Variants in STK3 observed in about 807,000 individuals in gnomAD.
STK3 encodes the protein serine/threonine-protein kinase 3.
In STK3, 41 loss-of-function variants were observed where a neutral mutation model predicts 58.0. The ratio of observed to expected loss-of-function variants is 0.71; its 90% confidence interval spans 0.55 to 0.92. STK3 has a LOEUF of 0.92. Ranked by LOEUF, STK3 falls within the 40% of genes least tolerant of loss-of-function variation. The pLI is 0.00. For synonymous variants in STK3, 170 were observed against 191.0 expected (o/e 0.89, Z 0.91); for missense variants, 479 against 602.7 (o/e 0.79, Z 2.15).
At chr8:98,463,894 T>C (rs747044540) in intron 10 of STK3, among the ~76,000 whole-genome samples, 3 of 152,160 alleles carry the variant, frequency 2.0e-5, no homozygotes, top group Non-Finnish European at 4.4e-5. Context: ...GCTGGAACAA[T>C]CAGTCTGTCA....
chr8:98,782,443 G>T, intron 1 of STK3: 1 of 255,030 alleles, frequency 3.9e-6, no homozygotes, highest in East Asian at 1.0e-4. Context: ...TTCAAAAACA[G>T]GTGGATTCTC....
chr8:98,596,749 G>A (rs1586968626), intron 6 of STK3, among the ~76,000 whole-genome samples: 1 of 151,724 alleles, frequency 6.6e-6, no homozygotes, highest in East Asian at 1.9e-4. Flanking sequence ...TAATTTAGTG[G>A]TAATGATAAT....
chr8:98,610,083 C>G (rs1817073720), intron 6 of STK3, among the ~76,000 whole-genome samples: 2 of 151,258 alleles, frequency 1.3e-5, no homozygotes. Context: ...TTCATAGTAA[C>G]TTATCTTAGT....
chr8:98,360,194 C>A, the STK3 span, among the ~76,000 whole-genome samples: 1 of 152,192 alleles, frequency 6.6e-6, no homozygotes, highest in African/African-American at 2.4e-5. Context: ...TCCTTCAAAT[C>A]TTGAATTAGA....
intron 1 of STK3, among the ~76,000 whole-genome samples, chr8:98,384,035 G>A (rs903228923): frequency 6.6e-6 from 1 of 152,220 alleles, no homozygotes; most frequent in Admixed American, 6.5e-5. Context: ...AATGAGGCAG[G>A]AGAATAGAGA....
chr8:98,651,046 G>A (rs556682578), intron 6 of STK3, among the ~76,000 whole-genome samples: 41 of 152,348 alleles, frequency 2.7e-4, no homozygotes, highest in Non-Finnish European at 5.0e-4. Context: ...TCCTCAAGTG[G>A]GTCCCTGACC....
intron 10 of STK3, among the ~76,000 whole-genome samples, chr8:98,489,351 T>C (rs1822520863): frequency 6.6e-6 from 1 of 152,202 alleles, no homozygotes; most frequent in South Asian, 2.1e-4. Context: ...GAGTTAATTT[T>C]ATCATTAATT....
Position 98,547,968 on chromosome 8 carries a change from CT to C in STK3, c.1141del (p.Arg381GlufsTer60). On this transcript the variant is annotated frameshift_variant and splice_region_variant, in exon 9 of 11. Coordinates refer to ENST00000419617, the MANE Select transcript of STK3 (RefSeq NM_006281.4). LOFTEE classifies it high-confidence loss of function. ...DEEEEDGTMK[R>X]NATSPQVQRP... is the part of the protein sequence containing the mutation. ...ATATTTAATGTAAAAAAGCCACATACTTTTCATAGTTCCATCTTCTTCTTCC... is the reference window on the plus strand; with the variant it reads ...ATATTTAATGTAAAAAAGCCACATACTTTCATAGTTCCATCTTCTTCTTCC... 6.4e-7 allele frequency: 1 copy of C among 1,568,782 alleles called. No individual in the cohort carries two copies. Among genetic ancestry groups the C allele is most frequent in the South Asian group, 1.2e-5 (1 of 83,392 alleles).
At chr8:98,618,081 C>A (rs1418830095) in intron 6 of STK3, among the ~76,000 whole-genome samples, 2 of 151,380 alleles carry the variant, frequency 1.3e-5, no homozygotes, top group Non-Finnish European at 3.0e-5. Flanking sequence ...ACTGGCAAAC[C>A]GAATCCAGCA....
rs139505410 is a variant in STK3 at position 98,488,017 on chromosome 8, C to T, written c.1318-32017G>A. ...ACAACTTTTGGTGTAACTGTCAGAA[C>T]ACTAGAGTTTCTCTATACACATTAA... On this transcript the variant is annotated intron_variant, in intron 10 of 10. Transcript: ENST00000419617. Among the ~76,000 whole-genome samples the T allele has an allele frequency of 1.2e-3, 184 of 152,324 alleles. 1 individual carries two copies. The highest frequency in any genetic ancestry group is 2.3e-3 in the South Asian group (11 of 4,826).
intron 3 of STK3, chr8:98,429,787 C>A (rs1217431020): frequency 5.2e-6 from 1 of 193,050 alleles, no homozygotes; most frequent in Non-Finnish European, 1.2e-5. Flanking sequence ...CTGAGGTTGT[C>A]GTGTGAGTTC....
chr8:98,612,837 A>C (rs1405609177), intron 6 of STK3, among the ~76,000 whole-genome samples: 2 of 152,198 alleles, frequency 1.3e-5, no homozygotes, highest in Non-Finnish European at 2.9e-5. Context: ...AAGGTCCCAC[A>C]ATACTCCTGA....
At chr8:98,890,261 A>G (rs1838146424) in intron 1 of STK3, among the ~76,000 whole-genome samples, 1 of 152,074 alleles carries the variant, frequency 6.6e-6, no homozygotes, top group Non-Finnish European at 1.5e-5. Context: ...ATTCATCCCA[A>G]TTTCTCCACA....
chr8:98,400,070 C>A (rs1817928374), downstream of STK3, among the ~76,000 whole-genome samples: 2 of 152,170 alleles, frequency 1.3e-5, 1 homozygote, highest in Admixed American at 1.3e-4. Context: ...GAGCTGCTTT[C>A]CAACCCAAAT....
intron 1 of STK3, among the ~76,000 whole-genome samples, chr8:98,791,365 G>T (rs952891675): frequency 6.6e-6 from 1 of 152,156 alleles, no homozygotes; most frequent in Non-Finnish European, 1.5e-5. Flanking sequence ...TTGATGGGTA[G>T]AATCAATATT....
At chr8:98,809,010 C>T (rs1412754857) in intron 1 of STK3, among the ~76,000 whole-genome samples, 1 of 152,108 alleles carries the variant, frequency 6.6e-6, no homozygotes, top group African/African-American at 2.4e-5. Context: ...CCATAAAAAC[C>T]CTAAATGATG....
downstream of STK3, among the ~76,000 whole-genome samples, chr8:98,399,834 C>G (rs1817926605): frequency 6.6e-6 from 1 of 152,170 alleles, no homozygotes; most frequent in African/African-American, 2.4e-5. Flanking sequence ...AATGCCAGCC[C>G]TGAGATCTGG....
In STK3 at chr8:98,713,319, C is replaced by A. The variant is rs553118910; in HGVS notation, c.352-6008G>T. Among the ~76,000 whole-genome samples, 143 of 152,142 alleles carry A rather than the reference C, an allele frequency of 9.4e-4. 3 individuals are homozygous for A. The highest frequency in any genetic ancestry group is 9.0e-3 in the Admixed American group (137 of 15,294). The stretch of plus-strand genomic sequence containing the variant: ...CTGAAGGAGATAGAGACACAAAAAA[C>A]CCTTCAAAAAATTAATGAATCTAGG... On this transcript the variant is annotated intron_variant, in intron 4 of 10. Transcript: ENST00000419617.
chr8:98,889,566 T>C (rs1488927564), intron 1 of STK3, among the ~76,000 whole-genome samples: 2 of 152,236 alleles, frequency 1.3e-5, no homozygotes, highest in Non-Finnish European at 2.9e-5. Context: ...TCAAATTTCA[T>C]CTTATCTCCA....
Sources: allele counts gnomAD v4.1 joint callset (sites outside exome capture counted in the v4.1 genomes callset), GRCh38; gene constraint gnomAD v4.1.1; transcripts MANE v1.5; gene names NCBI Gene and HGNC (gene_info 2026-07-23, HGNC 2026-07-21).